Variants in LEF1 observed in about 807,000 individuals in gnomAD.
LEF1 encodes the protein lymphoid enhancer-binding factor 1.
LEF1 carries 14 observed loss-of-function variants against 51.2 expected under a neutral mutation model. That is an observed-to-expected ratio of 0.27 (90% confidence interval 0.18 to 0.43). LEF1 has a LOEUF of 0.43. Among genes scored for constraint, LEF1 ranks in the 20% least tolerant of loss-of-function variants. LEF1 has a pLI of 1.00. For synonymous variants in LEF1, 185 were observed against 183.2 expected, an observed-to-expected ratio of 1.01 and a Z score of -0.08; for missense variants, 386 against 512.0, an observed-to-expected ratio of 0.75 and a Z score of 2.37.
intron 3 of LEF1, among the ~76,000 whole-genome samples, chr4:108,158,418 AAG>A (rs145164137): frequency 1.3e-4 from 19 of 150,154 alleles, no homozygotes; most frequent in East Asian, 4.0e-4. Flanking sequence ...CCCTTAAAAA[AAG>A]AGAGAGAGAG....
chr4:108,083,063 T>G (rs1739416817), intron 5 of LEF1: 1 of 364,870 alleles, frequency 2.7e-6, no homozygotes, highest in Non-Finnish European at 5.0e-6. Flanking sequence ...AGCACTAACT[T>G]TGTACAGGCA....
chr4:108,139,025 G>A (rs1743479453), intron 3 of LEF1, among the ~76,000 whole-genome samples: 1 of 152,166 alleles, frequency 6.6e-6, no homozygotes, highest in African/African-American at 2.4e-5. Context: ...GAGAGTTGGA[G>A]GACAAATACC....
intron 3 of LEF1, among the ~76,000 whole-genome samples, chr4:108,148,335 C>A (rs1292629826): frequency 6.6e-6 from 1 of 151,594 alleles, no homozygotes; most frequent in Non-Finnish European, 1.5e-5. Flanking sequence ...GTCTACACAA[C>A]CCTTTTTAAA....
chr4:108,070,327 TAGAA>T (rs1738382379), intron 9 of LEF1: 1 of 169,168 alleles, frequency 5.9e-6, no homozygotes, highest in East Asian at 1.6e-4. Context: ...GAAAAAATAT[TAGAA>T]AGTAATATAA....
At chr4:108,142,382 G>A (rs1743719291) in intron 3 of LEF1, among the ~76,000 whole-genome samples, 3 of 152,164 alleles carry the variant, frequency 2.0e-5, no homozygotes, top group Non-Finnish European at 2.9e-5. Flanking sequence ...ACACAAATCA[G>A]TATGACAGGA....
intron 4 of LEF1, among the ~76,000 whole-genome samples, chr4:108,087,707 T>G (rs962981138): frequency 2.4e-4 from 36 of 152,212 alleles, no homozygotes; most frequent in African/African-American, 8.4e-4. Context: ...AAGAAATAAT[T>G]AACAACTAAA....
At chr4:108,160,111 C>T (rs1022071228) in intron 3 of LEF1, among the ~76,000 whole-genome samples, 2 of 152,088 alleles carry the variant, frequency 1.3e-5, no homozygotes, top group African/African-American at 4.8e-5. Context: ...GGGTTGCATG[C>T]GGGACAAATG....
intron 3 of LEF1, among the ~76,000 whole-genome samples, chr4:108,132,571 A>G (rs1742963013): frequency 6.7e-6 from 1 of 150,188 alleles, no homozygotes; most frequent in Non-Finnish European, 1.5e-5. Flanking sequence ...CATCAGAATC[A>G]CCTGGAGGGA....
At chr4:108,147,399 G>T (rs1263679592) in intron 3 of LEF1, among the ~76,000 whole-genome samples, 2 of 152,112 alleles carry the variant, frequency 1.3e-5, no homozygotes, top group Non-Finnish European at 2.9e-5. Flanking sequence ...ATTATGAACG[G>T]TTTTTTCATT....
rs191959817 is a variant in LEF1, at chr4:108,149,176, T to C, written c.414+14392A>G. ...CCAGCAAGTAACATAAACAAATAGA[T>C]TGGCCGGGCGCGGTGGCTCACGCCT... On this transcript the variant is annotated intron_variant, in intron 3 of 11. Transcript: ENST00000265165. Among the ~76,000 whole-genome samples the C allele has an allele frequency of 2.8e-4, 43 of 152,256 alleles. 1 individual carries two copies. The East Asian group carries it at 6.9e-3, about 25-fold the overall frequency.
chr4:108,089,558 A>C (rs1028917632), intron 3 of LEF1, among the ~76,000 whole-genome samples: 4 of 152,226 alleles, frequency 2.6e-5, no homozygotes, highest in Admixed American at 1.3e-4. Flanking sequence ...CTGTACATAT[A>C]TATTTATACT....
rs144662623 is a variant in LEF1, at chr4:108,085,544, C to T, written c.548-2098G>A. ...TCTTTAAGCTTAAACTCTTACTCTCCGTACTACTCCATGTTCTAAGCATGC... is the reference window on the plus strand; with the variant it reads ...TCTTTAAGCTTAAACTCTTACTCTCTGTACTACTCCATGTTCTAAGCATGC... On this transcript the variant is annotated intron_variant, in intron 4 of 11. Transcript: ENST00000265165. Among the ~76,000 whole-genome samples the T allele has an allele frequency of 5.6e-4, 86 of 152,290 alleles. 1 individual carries two copies. In the East Asian group the frequency reaches 0.014, roughly 25 times the overall value.
chr4:108,153,562 A>G (rs567786216), intron 3 of LEF1, among the ~76,000 whole-genome samples: 3 of 152,246 alleles, frequency 2.0e-5, no homozygotes, highest in Non-Finnish European at 1.5e-5. Flanking sequence ...AAACAAGTAC[A>G]TATTTTTAAA....
At chr4:108,096,750 T>C (rs1740419619) in intron 3 of LEF1, among the ~76,000 whole-genome samples, 1 of 152,076 alleles carries the variant, frequency 6.6e-6, no homozygotes, top group African/African-American at 2.4e-5. Context: ...TAGGAAAAAG[T>C]GAAATAATCC....
In LEF1 at chr4:108,076,712, T is replaced by C. The variant is rs1738886690; in HGVS notation, c.1008+1508A>G. The stretch of plus-strand genomic sequence containing the variant: ...ACTTTATTCAGCAATTATTACCTAA[T>C]CTCCAGGCATCATGCCTGACCCAAA... On this transcript the variant is annotated intron_variant, in intron 8 of 11. Coordinates refer to ENST00000265165, the MANE Select transcript of LEF1 (RefSeq NM_016269.5). 1.3e-5 allele frequency among the ~76,000 whole-genome samples: 2 copies of C among 152,168 alleles called. 1 individual carries two copies. The highest frequency in any genetic ancestry group is 4.2e-4 in the South Asian group (2 of 4,814).
At chr4:108,052,815 G>A (rs1680774367) in intron 11 of LEF1, among the ~76,000 whole-genome samples, 2 of 152,288 alleles carry the variant, frequency 1.3e-5, no homozygotes, top group South Asian at 4.1e-4. Flanking sequence ...AAGCTGGTGA[G>A]GGGGAAGGAA....
intron 3 of LEF1, among the ~76,000 whole-genome samples, chr4:108,112,458 A>T (rs998514281): frequency 2.0e-5 from 3 of 152,226 alleles, no homozygotes; most frequent in Non-Finnish European, 4.4e-5. Context: ...GCACACAGCC[A>T]TGAGGCAGTA....
intron 3 of LEF1, among the ~76,000 whole-genome samples, chr4:108,130,745 A>T (rs557041547): frequency 8.5e-4 from 129 of 151,196 alleles, no homozygotes; most frequent in African/African-American, 3.0e-3. Flanking sequence ...AAAAAAAAAG[A>T]CTTTCCAGTT....
chr4:108,128,407 A>T lies in LEF1; in HGVS notation c.414+35161T>A, dbSNP rs185295883. Among the ~76,000 whole-genome samples, 445 of 152,196 alleles carry T rather than the reference A, an allele frequency of 2.9e-3. 3 individuals are homozygous for T. The highest frequency in any genetic ancestry group is 5.4e-3 in the Non-Finnish European group (369 of 67,992). On this transcript the variant is annotated intron_variant, in intron 3 of 11. Transcript: ENST00000265165. ...AACATAAACAAAATTATTTATCATT[A>T]AAAAAACTTCATAAAAGCTTGGCAA...
Sources: allele counts gnomAD v4.1 joint callset (sites outside exome capture counted in the v4.1 genomes callset), GRCh38; gene constraint gnomAD v4.1.1; transcripts MANE v1.5; gene names NCBI Gene and HGNC (gene_info 2026-07-23, HGNC 2026-07-21).